The following IP6K3 variants were observed in gnomAD, a reference collection of about 807,000 sequenced individuals.
IP6K3 encodes the protein inositol hexakisphosphate kinase 3.
Under a neutral mutation model 28.8 loss-of-function variants are expected in IP6K3, and 20 were observed. The observed-to-expected ratio is 0.70, with a 90% confidence interval of 0.49 to 1.01. IP6K3 has a LOEUF of 1.01. Among genes scored for constraint, IP6K3 ranks in the 50% least tolerant of loss-of-function variants. The pLI, the probability that IP6K3 is intolerant of heterozygous loss-of-function variation, is 0.00. For synonymous variants in IP6K3, 213 were observed against 221.3 expected, an observed-to-expected ratio of 0.96 and a Z score of 0.33; for missense variants, 480 against 537.1, an observed-to-expected ratio of 0.89 and a Z score of 1.05.
chr6:33,757,380 G>A, the IP6K3 span, among the ~76,000 whole-genome samples: 5 of 152,194 alleles, frequency 3.3e-5, no homozygotes, highest in South Asian at 2.1e-4. Context: ...TTCCAGAGGC[G>A]CCTTGGTGCC....
intron 1 of IP6K3, among the ~76,000 whole-genome samples, chr6:33,736,308 A>G (rs1322051731): frequency 1.3e-5 from 2 of 152,186 alleles, no homozygotes; most frequent in East Asian, 3.8e-4. Flanking sequence ...TGGAACACTC[A>G]TCCCAGGCCC....
chr6:33,751,984 C>T, the IP6K3 span, among the ~76,000 whole-genome samples: 23 of 152,298 alleles, frequency 1.5e-4, no homozygotes, highest in Admixed American at 5.9e-4. This position sits in a 1 kb window ranked among gnomAD's most constrained non-coding sequence, Gnocchi z 4.3. Flanking sequence ...TCATCCACAT[C>T]CCCCCAGACC....
chr6:33,752,326 G>A, the IP6K3 span, among the ~76,000 whole-genome samples: 1 of 152,336 alleles, frequency 6.6e-6, no homozygotes, highest in African/African-American at 2.4e-5. Flanking sequence ...GGAGAACTTT[G>A]CTGCCTTCTC....
At chr6:33,741,163 T>C (rs550146731) in intron 1 of IP6K3, among the ~76,000 whole-genome samples, 2 of 152,358 alleles carry the variant, frequency 1.3e-5, no homozygotes, top group South Asian at 4.1e-4. Flanking sequence ...TGCTGAGGTG[T>C]GGCCTCTGTC....
intron 2 of IP6K3, among the ~76,000 whole-genome samples, chr6:33,728,894 C>T (rs1766221432): frequency 6.6e-6 from 1 of 152,222 alleles, no homozygotes; most frequent in East Asian, 1.9e-4. Context: ...TTGCCCTCCC[C>T]CGTCTGTCTG....
intron 2 of IP6K3, 107 bp from the exon 3 acceptor site, chr6:33,728,407 A>G: frequency 1.0e-6 from 1 of 976,520 alleles, no homozygotes; most frequent in African/African-American, 1.6e-5. Flanking sequence ...GCCCTGGTCC[A>G]CCTCCTCCGT....
chr6:33,734,203 CAAAAAAA>C (rs144943744), intron 2 of IP6K3, among the ~76,000 whole-genome samples: 6 of 108,550 alleles, frequency 5.5e-5, no homozygotes, highest in Admixed American at 9.3e-5. Flanking sequence ...AACTCCGTCT[CAAAAAAA>C]AAAAAAAAAA....
chr6:33,759,566 AAAGAAGGGAGGGG>A, the IP6K3 span, among the ~76,000 whole-genome samples: 7 of 152,188 alleles, frequency 4.6e-5, no homozygotes, highest in Admixed American at 2.6e-4. Flanking sequence ...CTTTTTAAAA[AAAGAAGGGAGGGG>A]AAGGCCGGGC....
chr6:33,754,324 G>A, the IP6K3 span, among the ~76,000 whole-genome samples: 14 of 152,110 alleles, frequency 9.2e-5, no homozygotes. Flanking sequence ...GCATCTCTCT[G>A]CTGGAAGGAA....
chr6:33,754,575 AG>A, the IP6K3 span, among the ~76,000 whole-genome samples: 1,170 of 152,274 alleles, frequency 7.7e-3, 15 homozygotes, highest in African/African-American at 0.022. Context: ...GCGGGGCTGA[AG>A]CTGCTATCCA....
chr6:33,739,947 T>C (rs967995760), intron 1 of IP6K3, among the ~76,000 whole-genome samples: 3 of 152,228 alleles, frequency 2.0e-5, no homozygotes, highest in Non-Finnish European at 4.4e-5. Context: ...CACTCCTTTG[T>C]GGAGTCCTCC....
intron 4 of IP6K3, among the ~76,000 whole-genome samples, chr6:33,726,116 G>C (rs1766100601): frequency 6.6e-6 from 1 of 152,178 alleles, no homozygotes; most frequent in African/African-American, 2.4e-5. Context: ...TAAATACTAT[G>C]AAACCAGCCA....
At chr6:33,743,343 T>C (rs1225822154) in intron 1 of IP6K3, among the ~76,000 whole-genome samples, 1 of 152,252 alleles carries the variant, frequency 6.6e-6, no homozygotes, top group East Asian at 1.9e-4. Context: ...CTCTCACCTC[T>C]GAAGCTCTAA....
In IP6K3 at chr6:33,742,877, G is replaced by T. The variant is rs1372320035; in HGVS notation, c.-180+3881C>A. On this transcript the variant is annotated intron_variant, in intron 1 of 5. Coordinates refer to ENST00000293756, the MANE Select transcript of IP6K3 (RefSeq NM_054111.5). This position sits in a 1 kb window ranked among gnomAD's most constrained non-coding sequence, Gnocchi z 4.5. The stretch of plus-strand genomic sequence containing the variant: ...GAGGGGTCTGGGAAGGAGTCCAGGA[G>T]GAGGGGAGATGTTGGCTCAGCCTTG... Among the ~76,000 whole-genome samples, 4 of 152,154 alleles carry T rather than the reference G, an allele frequency of 2.6e-5. No individual in the cohort carries two copies. Among genetic ancestry groups the T allele is most frequent in the Non-Finnish European group, 5.9e-5 (4 of 68,028 alleles).
At position 33,722,614 on chromosome 6, in the gene IP6K3, A is replaced by G; in HGVS notation, c.*106T>C. ...ATAGAGATGGTTTTTGAAGGTAGAT[A>G]GGACTATTATGAAGACATCTAAGGG... On this transcript the variant is annotated 3_prime_UTR_variant, in exon 6 of 6. Transcript: ENST00000293756. 1.4e-6 allele frequency: 1 copy of G among 724,498 alleles called. No individual in the cohort carries two copies. Among genetic ancestry groups the G allele is most frequent in the East Asian group, 2.5e-5 (1 of 40,264 alleles). 44.9% of individuals were successfully genotyped at this position (724,498 alleles called of 1,614,324 possible). A position where few individuals can be genotyped will look rare whatever the true frequency, so the allele number is the denominator to read the frequency against.
In IP6K3 at chr6:33,744,706, C is replaced by T. The variant is rs1256129882; in HGVS notation, c.-180+2052G>A. ...TGCCCTAGGTTTGCCTGGCTTTGCCCAGACCTGTCCCAGAGAGCCTCGATG... is the reference window on the plus strand; with the variant it reads ...TGCCCTAGGTTTGCCTGGCTTTGCCTAGACCTGTCCCAGAGAGCCTCGATG... On this transcript the variant is annotated intron_variant, in intron 1 of 5. Coordinates refer to ENST00000293756, the MANE Select transcript of IP6K3 (RefSeq NM_054111.5). The surrounding 1 kb of genome is among the most constrained non-coding windows in gnomAD (Gnocchi z 4.4). 6.6e-6 allele frequency among the ~76,000 whole-genome samples: 1 copy of T among 152,256 alleles called. No homozygotes were observed. The highest frequency in any genetic ancestry group is 1.5e-5 in the Non-Finnish European group (1 of 68,046).
At chr6:33,756,095 C>A in the IP6K3 span, among the ~76,000 whole-genome samples, 1 of 152,158 alleles carries the variant, frequency 6.6e-6, no homozygotes, top group Non-Finnish European at 1.5e-5. Context: ...AACTCCTGAC[C>A]TCAGGTGATC....
At position 33,735,609 on chromosome 6, in the gene IP6K3, G is replaced by T. The variant is rs1766497279; in HGVS notation, c.-133C>A. 4.7e-6 allele frequency: 7 copies of T among 1,475,378 alleles called. No homozygotes were observed. Among genetic ancestry groups the T allele is most frequent in the Non-Finnish European group, 6.3e-6 (7 of 1,119,198 alleles). The allele number at this position is 1,475,378 out of a possible 1,614,324, so 91.4% of individuals were successfully genotyped here. A position where few individuals can be genotyped will look rare whatever the true frequency, so the allele number is the denominator to read the frequency against. On this transcript the variant is annotated 5_prime_UTR_variant, in exon 2 of 6. Transcript: ENST00000293756. ...TTTCTCCTTCTTGGCCTTTATTGCT[G>T]TCATAGCGCAGTTGTCCTCCTGTCT...
the IP6K3 span, among the ~76,000 whole-genome samples, chr6:33,759,011 A>C: frequency 1.3e-5 from 2 of 152,260 alleles, no homozygotes; most frequent in Non-Finnish European, 2.9e-5. Flanking sequence ...GTTAATAAAA[A>C]CTGTAGTGTA....
Sources: allele counts gnomAD v4.1 joint callset (sites outside exome capture counted in the v4.1 genomes callset), GRCh38; gene constraint gnomAD v4.1.1; non-coding constraint Gnocchi (gnomAD v3.1); transcripts MANE v1.5; gene names NCBI Gene and HGNC (gene_info 2026-07-23, HGNC 2026-07-21).